The following AGPS variants were observed in gnomAD, a reference collection of about 807,000 sequenced individuals.
The protein encoded by AGPS is alkylglycerone phosphate synthase.
AGPS carries 26 observed loss-of-function variants against 90.7 expected under a neutral mutation model. That is an observed-to-expected ratio of 0.29 (90% confidence interval 0.21 to 0.40). The LOEUF (loss-of-function observed/expected upper bound fraction) is 0.40, where lower values mean the gene tolerates loss of function less well. Ranked by LOEUF, AGPS falls within the 10% of genes least tolerant of loss-of-function variation. AGPS has a pLI of 1.00. For missense variants in AGPS, 540 were observed against 816.1 expected (o/e 0.66, Z 4.12); for synonymous variants, 294 against 285.3 (o/e 1.03, Z -0.31).
chr2:177,533,697 A>C (rs1003219234), intron 19 of AGPS, among the ~76,000 whole-genome samples: 5 of 152,202 alleles, frequency 3.3e-5, no homozygotes, highest in African/African-American at 1.2e-4. Context: ...TGTGATTAGC[A>C]AACAGTTAAT....
chr2:177,435,357 T>C (rs1339581928), intron 3 of AGPS, among the ~76,000 whole-genome samples: 1 of 152,142 alleles, frequency 6.6e-6, no homozygotes, highest in East Asian at 1.9e-4. Flanking sequence ...TTTTAACTTT[T>C]CCTAGACGTC....
rs1007875432 is a variant in AGPS, at chr2:177,539,547, G to C, written c.*1352G>C. On this transcript the variant is annotated 3_prime_UTR_variant, in exon 20 of 20. Coordinates refer to ENST00000264167, the MANE Select transcript of AGPS (RefSeq NM_003659.4). ...ACTAATATTTGATCAGATAATGTAA[G>C]TCAAAATGCAGACGATCCTTTAAAA... 1.3e-5 allele frequency: 2 copies of C among 151,894 alleles called. No homozygotes were observed. The highest frequency in any genetic ancestry group is 2.4e-5 in the African/African-American group (1 of 41,386). The allele number at this position is 151,894 out of a possible 1,614,324, so 9.4% of individuals were successfully genotyped here.
At chr2:177,517,481 A>G (rs1689053592) in intron 17 of AGPS, among the ~76,000 whole-genome samples, 1 of 152,108 alleles carries the variant, frequency 6.6e-6, no homozygotes, top group Non-Finnish European at 1.5e-5. Context: ...CATATCTCAT[A>G]CTTATTTCTT....
Position 177,482,050 on chromosome 2 carries a change from T to A in AGPS, c.1106-9T>A, listed in dbSNP as rs1384519729. The A allele has an allele frequency of 6.3e-7, 1 of 1,595,402 alleles. No homozygotes were observed. The highest frequency in any genetic ancestry group is 8.6e-7 in the Non-Finnish European group (1 of 1,168,040). On this transcript the variant is annotated splice_polypyrimidine_tract_variant and intron_variant, in intron 10 of 19. Coordinates refer to ENST00000264167, the MANE Select transcript of AGPS (RefSeq NM_003659.4). ...GATGTACTGGATTATTCCCCCTTCT[T>A]TTTTTCAGGAACTCTTGGTGTAATA...
At chr2:177,446,838 T>C (rs1413678759) in intron 8 of AGPS, among the ~76,000 whole-genome samples, 1 of 152,212 alleles carries the variant, frequency 6.6e-6, no homozygotes, top group African/African-American at 2.4e-5. Flanking sequence ...TTGGTATTCA[T>C]TGAACTTTTC....
At chr2:177,522,924 A>G (rs1353548689) in intron 18 of AGPS, among the ~76,000 whole-genome samples, 1 of 152,200 alleles carries the variant, frequency 6.6e-6, no homozygotes, top group African/African-American at 2.4e-5. Context: ...TTCACGAATC[A>G]TTAGGAACTG....
chr2:177,473,526 A>G (rs1186262812), intron 10 of AGPS, among the ~76,000 whole-genome samples: 2 of 152,184 alleles, frequency 1.3e-5, no homozygotes, highest in Admixed American at 1.3e-4. Context: ...TCACATTGCC[A>G]TGGAGTTATT....
At chr2:177,499,878 T>A (rs981409618) in intron 14 of AGPS, 148 bp downstream of exon 14, 5 of 603,220 alleles carry the variant, frequency 8.3e-6, no homozygotes, top group Non-Finnish European at 1.4e-5. Context: ...AGTGTTAAAT[T>A]TGTGGTAATT....
Position 177,439,638 on chromosome 2 carries a change from T to C in AGPS, c.638-1327T>C, listed in dbSNP as rs78662346. Among the ~76,000 whole-genome samples, 572 of 152,284 alleles carry C rather than the reference T, an allele frequency of 3.8e-3. 3 individuals carry two copies. The highest frequency in any genetic ancestry group is 0.013 in the African/African-American group (542 of 41,568). On this transcript the variant is annotated intron_variant, in intron 5 of 19. Coordinates refer to ENST00000264167, the MANE Select transcript of AGPS (RefSeq NM_003659.4). The stretch of plus-strand genomic sequence containing the variant: ...TTACACAAACCTTAGAAAAGATAAT[T>C]GCAACTTTTATGGAACTATTTTTGC...
chr2:177,492,992 A>G (rs1206868612), intron 11 of AGPS, among the ~76,000 whole-genome samples, 156 bp from the exon 12 acceptor site: 1 of 152,228 alleles, frequency 6.6e-6, no homozygotes, highest in African/African-American at 2.4e-5. Flanking sequence ...ATTTGTCTTC[A>G]TAAAAGTATA....
rs1194466271 is a variant in AGPS at position 177,420,293 on chromosome 2, A to G, written c.285A>G (p.Gly95=). 2 of 1,609,646 alleles carry G rather than the reference A, an allele frequency of 1.2e-6. No homozygotes were observed. The highest frequency in any genetic ancestry group is 1.7e-5 in the Admixed American group (1 of 59,952). The change falls in exon 2 of 20, where the codon GGA becomes GGG. Residue 95 remains glycine (G), a synonymous_variant. Coordinates refer to ENST00000264167, the MANE Select transcript of AGPS (RefSeq NM_003659.4). The part of the protein sequence containing the change: ...KKRQEVMKWN[G]WGYNDSKFIF... ...GGCAAGAAGTTATGAAATGGAATGG[A>G]TGGGGATATAATGATTCTAAATTCA...
Position 177,543,195 on chromosome 2 carries a change from C to T in AGPS, c.*5000C>T, listed in dbSNP as rs2079254951. ...TGAGCCTCAAGACACTCACTACATTCTTTCTGGATGTTTGCTCACAGGCTC... is the reference window on the plus strand; with the variant it reads ...TGAGCCTCAAGACACTCACTACATTTTTTCTGGATGTTTGCTCACAGGCTC... On this transcript the variant is annotated 3_prime_UTR_variant, in exon 20 of 20. Coordinates refer to ENST00000264167, the MANE Select transcript of AGPS (RefSeq NM_003659.4). 2.0e-5 allele frequency: 3 copies of T among 152,308 alleles called. No homozygotes were observed. In the South Asian group the frequency reaches 6.2e-4, roughly 32 times the overall value. 9.4% of individuals were successfully genotyped at this position (152,308 alleles called of 1,614,324 possible).
rs75827012 is a variant in AGPS, at chr2:177,542,813, A to C, written c.*4618A>C. On this transcript the variant is annotated 3_prime_UTR_variant, in exon 20 of 20. Coordinates refer to ENST00000264167, the MANE Select transcript of AGPS (RefSeq NM_003659.4). ...AGTTATTTTTTGAGCTACTTATACT[A>C]TATCCCCAAAAGCTCACAGTGCCTT... is the stretch of plus-strand genomic sequence containing the variant. 3 of 152,178 alleles carry C rather than the reference A, an allele frequency of 2.0e-5. No homozygotes were observed. The highest frequency in any genetic ancestry group is 4.8e-5 in the African/African-American group (2 of 41,486). The allele number at this position is 152,178 out of a possible 1,614,324, so 9.4% of individuals were successfully genotyped here.
chr2:177,438,523 A>G (rs1449788332), intron 5 of AGPS, among the ~76,000 whole-genome samples: 1 of 152,136 alleles, frequency 6.6e-6, no homozygotes. Context: ...AATCCCTCCC[A>G]TTTTATTGGT....
At chr2:177,443,162 T>C (rs1686659204) in intron 7 of AGPS, among the ~76,000 whole-genome samples, 1 of 152,236 alleles carries the variant, frequency 6.6e-6, no homozygotes, top group South Asian at 2.1e-4. Flanking sequence ...GGACATTTTC[T>C]CACATAACTA....
intron 19 of AGPS, among the ~76,000 whole-genome samples, chr2:177,533,594 A>G (rs2079156892): frequency 6.6e-6 from 1 of 152,142 alleles, no homozygotes; most frequent in Non-Finnish European, 1.5e-5. Context: ...TGACAATTTT[A>G]TGTCTATAAC....
intron 16 of AGPS, among the ~76,000 whole-genome samples, chr2:177,510,078 CTT>C (rs1009764432): frequency 6.6e-6 from 1 of 152,306 alleles, no homozygotes; most frequent in African/African-American, 2.4e-5. Context: ...TAATTCCTCT[CTT>C]TGGGTATCTT....
intron 19 of AGPS, among the ~76,000 whole-genome samples, chr2:177,524,694 G>T (rs761436328): frequency 1.3e-4 from 20 of 151,464 alleles, no homozygotes; most frequent in South Asian, 2.1e-4. Flanking sequence ...CTGTATATTT[G>T]TACTTTTTAA....
At chr2:177,489,842 A>G (rs1199778657) in intron 11 of AGPS, among the ~76,000 whole-genome samples, 4 of 152,202 alleles carry the variant, frequency 2.6e-5, no homozygotes, top group Non-Finnish European at 4.4e-5. Context: ...TCATTAACCC[A>G]TCATTAAAAT....
Sources: allele counts gnomAD v4.1 joint callset (sites outside exome capture counted in the v4.1 genomes callset), GRCh38; gene constraint gnomAD v4.1.1; transcripts MANE v1.5; gene names NCBI Gene and HGNC (gene_info 2026-07-23, HGNC 2026-07-21).